The following KCNK2 variants were observed in gnomAD, a reference collection of about 807,000 sequenced individuals.
KCNK2 encodes the protein potassium two pore domain channel subfamily K member 2, also known as potassium channel subfamily K member 2.
Under a neutral mutation model 40.5 loss-of-function variants are expected in KCNK2, and 21 were observed. That is an observed-to-expected ratio of 0.52 (90% CI 0.37 to 0.75). The LOEUF is 0.75. Among genes scored for constraint, KCNK2 ranks in the 30% least tolerant of loss-of-function variants. KCNK2 has a pLI of 0.00. For synonymous variants in KCNK2, 191 were observed against 202.2 expected (o/e 0.94, Z 0.47); for missense variants, 399 against 531.6 (o/e 0.75, Z 2.45).
At chr1:215,230,507 G>GTGTATATATATA (rs564184766) in intron 6 of KCNK2, among the ~76,000 whole-genome samples, 31 of 65,556 alleles carry the variant, frequency 4.7e-4, no homozygotes, top group African/African-American at 2.1e-3. Context: ...ACACACGGCT[G>GTGTATATATATA]TATATATATA....
intron 2 of KCNK2, among the ~76,000 whole-genome samples, chr1:215,106,057 G>A (rs1428639547): frequency 6.6e-6 from 1 of 152,012 alleles, no homozygotes; most frequent in East Asian, 1.9e-4. Flanking sequence ...ACATATAGGT[G>A]GATGTGTCTT....
intron 2 of KCNK2, among the ~76,000 whole-genome samples, chr1:215,121,291 A>T (rs1447739031): frequency 6.6e-6 from 1 of 152,040 alleles, no homozygotes; most frequent in Non-Finnish European, 1.5e-5. Flanking sequence ...AAGTTATTTT[A>T]TTTATTTATT....
chr1:215,131,626 G>T (rs564807077), intron 3 of KCNK2, among the ~76,000 whole-genome samples: 14 of 150,852 alleles, frequency 9.3e-5, no homozygotes, highest in Middle Eastern at 3.5e-3. Context: ...AGGGTTAGGA[G>T]TTGCCTGCAT....
At chr1:215,232,171 T>TA (rs1212322488) in intron 6 of KCNK2, among the ~76,000 whole-genome samples, 2 of 152,154 alleles carry the variant, frequency 1.3e-5, no homozygotes, top group Non-Finnish European at 2.9e-5. Context: ...TTGTAACAGC[T>TA]AAAAAAATTA....
chr1:215,224,269 AG>A (rs1666297728), intron 6 of KCNK2, among the ~76,000 whole-genome samples: 1 of 152,136 alleles, frequency 6.6e-6, no homozygotes, highest in African/African-American at 2.4e-5. Flanking sequence ...CCCCACTTAG[AG>A]GGGAGACAAC....
chr1:215,220,916 G>A (rs1357314338), intron 6 of KCNK2, among the ~76,000 whole-genome samples: 2 of 152,028 alleles, frequency 1.3e-5, no homozygotes, highest in East Asian at 1.9e-4. Flanking sequence ...ACCCTCCACC[G>A]CCTCATCACT....
chr1:215,073,630 A>G (rs1169843402), intron 1 of KCNK2, among the ~76,000 whole-genome samples: 1 of 152,182 alleles, frequency 6.6e-6, no homozygotes. Flanking sequence ...CCGGCCAGTG[A>G]CTAAACCACA....
intron 6 of KCNK2, among the ~76,000 whole-genome samples, chr1:215,205,775 A>C (rs1665291425): frequency 6.6e-6 from 1 of 152,180 alleles, no homozygotes; most frequent in South Asian, 2.1e-4. Context: ...TGCTATCCTG[A>C]TTAATTTGGT....
chr1:215,042,285 G>A (rs568749392), intron 1 of KCNK2, among the ~76,000 whole-genome samples: 1 of 152,310 alleles, frequency 6.6e-6, no homozygotes, highest in Non-Finnish European at 1.5e-5. Context: ...TAGGACATAA[G>A]ATCAGGGGCA....
chr1:215,196,412 C>T (rs1385776941), intron 6 of KCNK2, among the ~76,000 whole-genome samples: 1 of 152,016 alleles, frequency 6.6e-6, no homozygotes, highest in Non-Finnish European at 1.5e-5. Flanking sequence ...TTATTCATAC[C>T]CAAGGTGCCT....
chr1:215,228,355 G>A (rs1274428479), intron 6 of KCNK2, among the ~76,000 whole-genome samples: 1 of 152,116 alleles, frequency 6.6e-6, no homozygotes, highest in African/African-American at 2.4e-5. Flanking sequence ...GTGAAGATCC[G>A]GCGAGTTAAG....
At chr1:215,092,090 C>G (rs1001542538) in intron 2 of KCNK2, among the ~76,000 whole-genome samples, 1 of 152,040 alleles carries the variant, frequency 6.6e-6, no homozygotes, top group African/African-American at 2.4e-5. Context: ...TGAGTAGAAA[C>G]AGGGGAGGCA....
At chr1:215,194,932 T>C (rs1321891060) in intron 5 of KCNK2, 21 bp from the exon 6 acceptor site, 2 of 1,610,362 alleles carry the variant, frequency 1.2e-6, no homozygotes, top group Admixed American at 1.7e-5. Context: ...GTTATTTTGT[T>C]TTACTTTGTT....
At chr1:215,084,943 A>C in intron 1 of KCNK2, among the ~76,000 whole-genome samples, 1 of 152,232 alleles carries the variant, frequency 6.6e-6, no homozygotes, top group Non-Finnish European at 1.5e-5. Context: ...TGTTTTAAAT[A>C]TCTTTGTTTG....
intron 3 of KCNK2, among the ~76,000 whole-genome samples, chr1:215,167,346 AC>A (rs1345094655): frequency 4.8e-5 from 7 of 145,854 alleles, no homozygotes; most frequent in South Asian, 4.3e-4. Flanking sequence ...AAAAAAAAAA[AC>A]CAATCCCAAA....
chr1:215,216,524 TTA>T (rs1262924437), intron 6 of KCNK2, among the ~76,000 whole-genome samples: 5 of 149,418 alleles, frequency 3.3e-5, no homozygotes, highest in East Asian at 1.9e-4. Context: ...TACTTGTATG[TTA>T]TATATGTTAT....
At chr1:215,048,524 A>G (rs551910553) in intron 1 of KCNK2, among the ~76,000 whole-genome samples, 1 of 152,320 alleles carries the variant, frequency 6.6e-6, no homozygotes, top group Admixed American at 6.5e-5. Context: ...AGCAACAAAC[A>G]CATACAACAA....
Position 215,083,200 on chromosome 1 carries a change from C to CCCA in KCNK2, c.-184_-183insACC. 2.7e-6 allele frequency: 2 copies of CCCA among 748,252 alleles called. No individual in the cohort carries two copies. Among genetic ancestry groups the CCCA allele is most frequent in the African/African-American group, 1.9e-5 (1 of 52,906 alleles). 46.4% of individuals were successfully genotyped at this position (748,252 alleles called of 1,614,324 possible). A position where few individuals can be genotyped will look rare whatever the true frequency, so the allele number is the denominator to read the frequency against. On this transcript the variant is annotated 5_prime_UTR_variant, in exon 1 of 7. Transcript: ENST00000444842. ...ATTTCGTTTCTTCTCACGCTCCCCC[C>CCCA]CCCGCCCCCTCCCGCGTCCAGCCCC... is the stretch of plus-strand genomic sequence containing the variant.
At chr1:215,218,734 T>G (rs1370438880) in intron 6 of KCNK2, among the ~76,000 whole-genome samples, 1 of 152,206 alleles carries the variant, frequency 6.6e-6, no homozygotes, top group East Asian at 1.9e-4. Context: ...TCCTTTCTTT[T>G]ATCCTATGAT....
Sources: allele counts gnomAD v4.1 joint callset (sites outside exome capture counted in the v4.1 genomes callset), GRCh38; gene constraint gnomAD v4.1.1; transcripts MANE v1.5; gene names NCBI Gene and HGNC (gene_info 2026-07-23, HGNC 2026-07-21).